The following NLGN4X variants were observed in gnomAD, a reference collection of about 807,000 sequenced individuals.
NLGN4X encodes the protein neuroligin-4, X-linked.
In NLGN4X, 3 loss-of-function variants were observed where a neutral mutation model predicts 40.3. That is an observed-to-expected ratio of 0.07 (90% CI 0.03 to 0.19). The LOEUF is 0.19. Ranked by LOEUF, NLGN4X falls within the 10% of genes least tolerant of loss-of-function variation. NLGN4X has a pLI of 1.00. For synonymous variants in NLGN4X, 270 were observed against 306.8 expected (o/e 0.88, Z 1.25); for missense variants, 382 against 708.3 (o/e 0.54, Z 5.23).
intron 1 of NLGN4X, among the ~76,000 whole-genome samples, chrX:6,159,639 C>A (rs1286960411): frequency 2.7e-5 from 3 of 111,890 alleles, no homozygotes; most frequent in Non-Finnish European, 5.6e-5. Context: ...GTCATGGAAC[C>A]TGAGCCTGCT....
At chrX:6,060,925 C>T (rs764224627) in intron 2 of NLGN4X, among the ~76,000 whole-genome samples, 1 of 111,597 alleles carries the variant, frequency 9.0e-6, no homozygotes, top group East Asian at 2.8e-4. Context: ...AAAAAACTGT[C>T]CACACCTCTC....
At chrX:6,054,435 C>A (rs1401903785) in intron 2 of NLGN4X, among the ~76,000 whole-genome samples, 6 of 110,094 alleles carry the variant, frequency 5.4e-5, no homozygotes, top group Non-Finnish European at 9.5e-5. Context: ...GGCAGCAGAG[C>A]GAGACCCTGT....
intron 2 of NLGN4X, among the ~76,000 whole-genome samples, chrX:6,108,644 A>ACTG (rs2039082632): frequency 9.0e-6 from 1 of 111,406 alleles, no homozygotes; most frequent in Admixed American, 9.6e-5. Flanking sequence ...AAATCGCTCT[A>ACTG]CTGCACTCCA....
At chrX:6,024,454 G>A (rs2036633333) in intron 3 of NLGN4X, among the ~76,000 whole-genome samples, 1 of 110,909 alleles carries the variant, frequency 9.0e-6, no homozygotes, top group Non-Finnish European at 1.9e-5. Context: ...TAAGGGCTGG[G>A]TAACGTAAGG....
intron 1 of NLGN4X, among the ~76,000 whole-genome samples, chrX:6,196,744 G>T (rs1453609175): frequency 9.1e-6 from 1 of 109,519 alleles, no homozygotes; most frequent in Admixed American, 9.7e-5. Flanking sequence ...CCTTTTATGG[G>T]GTCCCTGGTC....
chrX:6,006,255 A>AG (rs2036100383), intron 3 of NLGN4X, among the ~76,000 whole-genome samples: 1 of 111,222 alleles, frequency 9.0e-6, no homozygotes, highest in Admixed American at 9.7e-5. Context: ...CTCAAGTCTA[A>AG]GGGGTGAAAA....
intron 2 of NLGN4X, among the ~76,000 whole-genome samples, chrX:6,095,438 A>G (rs970361630): frequency 1.8e-5 from 2 of 111,970 alleles, no homozygotes; most frequent in Non-Finnish European, 3.8e-5. Flanking sequence ...CCTTTCCACA[A>G]TATCTATTGA....
At chrX:5,963,113 C>T (rs1042420141) in intron 3 of NLGN4X, among the ~76,000 whole-genome samples, 4 of 109,479 alleles carry the variant, frequency 3.7e-5, no homozygotes, top group Non-Finnish European at 5.7e-5. Context: ...ACACAGCCTA[C>T]GTTGCCATGA....
chrX:6,085,618 T>C (rs1252121794), intron 2 of NLGN4X, among the ~76,000 whole-genome samples: 2 of 112,585 alleles, frequency 1.8e-5, no homozygotes, highest in Non-Finnish European at 3.7e-5. Context: ...AATTCTCATG[T>C]TATAGGTAAG....
chrX:6,060,611 T>C (rs767759378), intron 2 of NLGN4X, among the ~76,000 whole-genome samples: 1 of 112,060 alleles, frequency 8.9e-6, no homozygotes, highest in African/African-American at 3.2e-5. Context: ...CTTCTTCCTC[T>C]TCTAATCCCC....
intron 3 of NLGN4X, among the ~76,000 whole-genome samples, chrX:5,909,853 C>T (rs1050024249): frequency 9.0e-6 from 1 of 110,877 alleles, no homozygotes; most frequent in Non-Finnish European, 1.9e-5. Context: ...TCCTACATAG[C>T]GAAAATATTA....
intron 1 of NLGN4X, chrX:6,226,555 C>T (rs940099565): frequency 5.4e-5 from 6 of 111,734 alleles, no homozygotes; most frequent in Non-Finnish European, 7.5e-5. Context: ...CAGGGTTGCA[C>T]GGAGCACTGG....
chrX:6,065,423 G>A (rs1396903846), intron 2 of NLGN4X, among the ~76,000 whole-genome samples: 1 of 110,405 alleles, frequency 9.1e-6, no homozygotes, highest in Non-Finnish European at 1.9e-5. Context: ...ATGCAAAGAT[G>A]TTAACATTGC....
intron 2 of NLGN4X, among the ~76,000 whole-genome samples, chrX:6,078,610 G>A (rs1283713248): frequency 8.9e-6 from 1 of 111,800 alleles, no homozygotes; most frequent in Admixed American, 9.5e-5. Flanking sequence ...CCAAGATGCA[G>A]CATATCATGT....
chrX:6,214,472 G>A (rs1243162999), intron 1 of NLGN4X, among the ~76,000 whole-genome samples: 4 of 111,812 alleles, frequency 3.6e-5, no homozygotes, highest in South Asian at 3.8e-4. Flanking sequence ...AAAGAGGGTC[G>A]TGGAGCCTCT....
chrX:6,225,681 CTTT>C (rs1569309354), intron 1 of NLGN4X, among the ~76,000 whole-genome samples: 1 of 33,810 alleles, frequency 3.0e-5, no homozygotes, highest in Admixed American at 4.3e-4. Flanking sequence ...TTTTTTCTTT[CTTT>C]TTTTCTTTTT....
chrX:6,156,311 C>T (rs951865069), intron 1 of NLGN4X, among the ~76,000 whole-genome samples: 2 of 111,766 alleles, frequency 1.8e-5, no homozygotes, highest in Non-Finnish European at 3.8e-5. Context: ...AGATCGAGAC[C>T]ATCCTGGCTA....
At chrX:6,029,221 G>A (rs994116805) in intron 3 of NLGN4X, 59 bp downstream of exon 3, 29 of 1,169,707 alleles carry the variant, frequency 2.5e-5, no homozygotes, top group East Asian at 8.9e-5. Flanking sequence ...CCGTCAAAAC[G>A]AGAAGTGGAC....
At chrX:5,996,543 G>A (rs1044691614) in intron 3 of NLGN4X, among the ~76,000 whole-genome samples, 1 of 111,323 alleles carries the variant, frequency 9.0e-6, no homozygotes, top group East Asian at 2.8e-4. Context: ...TGCAGTTTCT[G>A]AGGAATCTGA....
Sources: allele counts gnomAD v4.1 joint callset (sites outside exome capture counted in the v4.1 genomes callset), GRCh38; gene constraint gnomAD v4.1.1; transcripts MANE v1.5; gene names NCBI Gene and HGNC (gene_info 2026-07-23, HGNC 2026-07-21).